Variants in SGCA observed in about 807,000 individuals in gnomAD.
SGCA encodes sarcoglycan alpha.
SGCA carries 34 observed loss-of-function variants against 38.1 expected under a neutral mutation model. The ratio of observed to expected loss-of-function variants is 0.89; its 90% CI spans 0.68 to 1.19. The LOEUF (loss-of-function observed/expected upper bound fraction) is 1.19, where lower values mean the gene tolerates loss of function less well. Among genes scored for constraint, SGCA ranks in the 50% most tolerant of loss-of-function variants. The probability of loss-of-function intolerance (pLI) is 0.00; values close to 1 mark genes in which losing one functional copy is unlikely to be tolerated. For synonymous variants in SGCA, 209 were observed against 214.6 expected (o/e 0.97, Z 0.23); for missense variants, 476 against 524.9 (o/e 0.91, Z 0.91).
chr17:50,170,439 G>C, intron 7 of SGCA, 88 bp downstream of exon 7: 2 of 1,417,516 alleles, frequency 1.4e-6, no homozygotes, highest in Non-Finnish European at 2.0e-6. Flanking sequence ...ATGGGACCCA[G>C]ACACCATGGG....
rs1234693084 is a variant in SGCA at position 50,167,810 on chromosome 17, G to A, written c.312+74G>A. 1.3e-6 allele frequency: 2 copies of A among 1,575,268 alleles called. No individual in the cohort carries two copies. Among genetic ancestry groups the A allele is most frequent in the Non-Finnish European group, 1.7e-6 (2 of 1,145,844 alleles). On this transcript the variant is annotated intron_variant, in intron 3 of 9. Transcript: ENST00000262018. This position sits in a 1 kb window ranked among gnomAD's most constrained non-coding sequence, Gnocchi z 4.5. ...TCCTAGGAGCAGCCCTATGAATTGG[G>A]ATTGGGTGCTCATTCACAGTCATTT...
At chr17:50,174,252 T>G (rs1376964636) in intron 8 of SGCA, among the ~76,000 whole-genome samples, 1 of 151,912 alleles carries the variant, frequency 6.6e-6, no homozygotes, top group Non-Finnish European at 1.5e-5. Flanking sequence ...GCCCAGGAGG[T>G]AGAGGCTGCA....
rs1905155776 is a variant in SGCA at position 50,169,025 on chromosome 17, C to T, written c.585-67C>T. The T allele has an allele frequency of 2.7e-6, 4 of 1,465,380 alleles. No individual in the cohort carries two copies. In the South Asian group the frequency reaches 3.4e-5, roughly 12 times the overall value. The allele number at this position is 1,465,380 out of a possible 1,614,324, so 90.8% of individuals were successfully genotyped here. ...TACAATTAGGAAAGTTTCAACAACC[C>T]CTGGCAGAGTGGTGCCTCGTGCCCC... On this transcript the variant is annotated intron_variant, in intron 5 of 9. Transcript: ENST00000262018.
chr17:50,172,996 A>C (rs148043092), intron 8 of SGCA, among the ~76,000 whole-genome samples: 3 of 152,230 alleles, frequency 2.0e-5, no homozygotes, highest in Non-Finnish European at 4.4e-5. Flanking sequence ...TTTAAACACT[A>C]ACATCTACTG....
chr17:50,169,805 T>C, intron 6 of SGCA: 1 of 441,820 alleles, frequency 2.3e-6, no homozygotes. Context: ...AGCCAGCGAC[T>C]GGTAATTGAC....
chr17:50,171,848 T>C (rs1205400032), intron 8 of SGCA: 1 of 456,762 alleles, frequency 2.2e-6, no homozygotes, highest in Non-Finnish European at 4.4e-6. Flanking sequence ...GCAGGTCCCC[T>C]TGTCCGCCAC....
chr17:50,168,467 C>G lies in SGCA; in HGVS notation c.479C>G (p.Ala160Gly). Residue 160 changes from alanine (A) to glycine (G), a missense_variant, in exon 5 of 10, where the codon GCC (alanine) becomes GGC (glycine). By Grantham distance (60) the Ala-to-Gly change is moderately conservative. Coordinates refer to ENST00000262018, the MANE Select transcript of SGCA (RefSeq NM_000023.4). ...PSTPASRFLSALGGLWEPGEL... is the reference protein window; with the variant it reads ...PSTPASRFLSGLGGLWEPGEL... ...ACACCTGCCAGCCGCTTCCTCTCAGCCTTGGGGGGACTCTGGGAGCCCGGA... is the reference window on the plus strand; with the variant it reads ...ACACCTGCCAGCCGCTTCCTCTCAGGCTTGGGGGGACTCTGGGAGCCCGGA... The G allele has an allele frequency of 6.3e-7, 1 of 1,584,678 alleles. No individual in the cohort carries two copies. The highest frequency in any genetic ancestry group is 8.6e-7 in the Non-Finnish European group (1 of 1,165,112).
At position 50,166,035 on chromosome 17, in the gene SGCA, G is replaced by C. The variant is rs772635734; in HGVS notation, c.-6G>C. On this transcript the variant is annotated 5_prime_UTR_variant, in exon 1 of 10. Coordinates refer to ENST00000262018, the MANE Select transcript of SGCA (RefSeq NM_000023.4). ...TCACTCACCGGGCGGGCCAGGCCGG[G>C]CAGCCATGGCTGAGACACTCTTCTG... 1 of 1,613,046 alleles carries C rather than the reference G, an allele frequency of 6.2e-7. No homozygotes were observed. The highest frequency in any genetic ancestry group is 8.5e-7 in the Non-Finnish European group (1 of 1,179,160).
intron 5 of SGCA, 52 bp from the exon 6 acceptor site, chr17:50,169,040 C>T (rs940378971): frequency 2.6e-6 from 4 of 1,545,254 alleles, no homozygotes; most frequent in Non-Finnish European, 3.6e-6. Context: ...CAGAGTGGTG[C>T]CTCGTGCCCC....
intron 9 of SGCA, 24 bp downstream of exon 9, chr17:50,175,473 C>T (rs764804960): frequency 3.8e-6 from 6 of 1,592,348 alleles, no homozygotes; most frequent in Middle Eastern, 1.7e-4. Context: ...GTGATGCCAG[C>T]CTTATTTCTG....
chr17:50,174,912 C>A (rs1355124383), intron 8 of SGCA, among the ~76,000 whole-genome samples: 1 of 152,098 alleles, frequency 6.6e-6, no homozygotes, highest in Admixed American at 6.5e-5. Context: ...CCTGCCTCAG[C>A]CTCCTGAGTA....
chr17:50,170,773 G>A (rs1905320299), intron 8 of SGCA, 107 bp downstream of exon 8: 1 of 938,254 alleles, frequency 1.1e-6, no homozygotes, highest in Non-Finnish European at 1.7e-6. Flanking sequence ...ATAACTCCAG[G>A]GTGATGCTCA....
chr17:50,173,750 T>C (rs2586476), intron 8 of SGCA, among the ~76,000 whole-genome samples: 138,684 of 152,158 alleles, frequency 0.91, 63,691 homozygotes, highest in East Asian at 1. Context: ...CTCAGCTCAC[T>C]GAATTCCAGA....
At chr17:50,168,705 ACCAC>A in intron 5 of SGCA, 133 bp downstream of exon 5, 4 of 798,516 alleles carry the variant, frequency 5.0e-6, no homozygotes, top group Non-Finnish European at 8.4e-6. Context: ...CACACCCCTC[ACCAC>A]TCTCCTCTGG....
At position 50,167,142 on chromosome 17, in the gene SGCA, G is replaced by A. The variant is rs1020671576; in HGVS notation, c.38-226G>A. Among the ~76,000 whole-genome samples, 1 of 152,022 alleles carries A rather than the reference G, an allele frequency of 6.6e-6. No homozygotes were observed. The highest frequency in any genetic ancestry group is 2.4e-5 in the African/African-American group (1 of 41,360). On this transcript the variant is annotated intron_variant, in intron 1 of 9. Transcript: ENST00000262018. The surrounding 1 kb of genome is among the most constrained non-coding windows in gnomAD (Gnocchi z 4.5). Reference sequence around the variant, plus strand: ...GGGGCCTAAAACAAGGAATGGAAAGGTTGTGGGAGAGGTTCTCCCTCGAAT... The same window carrying A: ...GGGGCCTAAAACAAGGAATGGAAAGATTGTGGGAGAGGTTCTCCCTCGAAT...
Position 50,167,535 on chromosome 17 carries a change from G to A in SGCA, c.158-47G>A, listed in dbSNP as rs147145924. 1.0e-4 allele frequency: 161 copies of A among 1,613,986 alleles called. No homozygotes were observed. The African/African-American group carries it at 1.5e-3, about 15-fold the overall frequency. On this transcript the variant is annotated intron_variant, in intron 2 of 9. Coordinates refer to ENST00000262018, the MANE Select transcript of SGCA (RefSeq NM_000023.4). The surrounding 1 kb of genome is among the most constrained non-coding windows in gnomAD (Gnocchi z 4.5). The stretch of plus-strand genomic sequence containing the variant: ...AGGCGGGCGGGCTGGGGTGTACCCC[G>A]CAGGGCTCCTGCTGTGACTCGAATC...
At position 50,167,012 on chromosome 17, in the gene SGCA, C is replaced by T. The variant is rs1241621326; in HGVS notation, c.38-356C>T. Among the ~76,000 whole-genome samples, 1 of 143,540 alleles carries T rather than the reference C, an allele frequency of 7.0e-6. No homozygotes were observed. The highest frequency in any genetic ancestry group is 2.6e-5 in the African/African-American group (1 of 38,692). The allele number at this position is 143,540 out of a possible 152,430, so 94.2% of individuals were successfully genotyped here. ...ACACACATCCTCACAGACCCTCACA[C>T]ATACCTTCACACACACACCCCCCCA... is the stretch of plus-strand genomic sequence containing the variant. On this transcript the variant is annotated intron_variant, in intron 1 of 9. Coordinates refer to ENST00000262018, the MANE Select transcript of SGCA (RefSeq NM_000023.4). This position sits in a 1 kb window ranked among gnomAD's most constrained non-coding sequence, Gnocchi z 4.5.
In SGCA at chr17:50,167,796, G is replaced by A; in HGVS notation, c.312+60G>A. On this transcript the variant is annotated intron_variant, in intron 3 of 9. Transcript: ENST00000262018. This position sits in a 1 kb window ranked among gnomAD's most constrained non-coding sequence, Gnocchi z 4.5. ...GGGCCAGAGTGGCCTCCTAGGAGCA[G>A]CCCTATGAATTGGGATTGGGTGCTC... is the stretch of plus-strand genomic sequence containing the variant. The A allele has an allele frequency of 6.3e-7, 1 of 1,589,580 alleles. No individual in the cohort carries two copies. Among genetic ancestry groups the A allele is most frequent in the Non-Finnish European group, 8.6e-7 (1 of 1,159,876 alleles).
rs966464672 is a variant in SGCA, at chr17:50,167,892, G to A, written c.313-55G>A. The stretch of plus-strand genomic sequence containing the variant: ...CTGAGTCCTCTCCTGCCAGGCCCCC[G>A]CTGTGCCACGTTTCTCCCCTAACCC... On this transcript the variant is annotated intron_variant, in intron 3 of 9. Coordinates refer to ENST00000262018, the MANE Select transcript of SGCA (RefSeq NM_000023.4). This position sits in a 1 kb window ranked among gnomAD's most constrained non-coding sequence, Gnocchi z 4.5. 48 of 1,572,170 alleles carry A rather than the reference G, an allele frequency of 3.1e-5. No individual in the cohort carries two copies. The highest frequency in any genetic ancestry group is 1.7e-4 in the Middle Eastern group (1 of 5,980).
Sources: gnomAD v4.1 joint callset for allele counts (sites outside exome capture counted in the v4.1 genomes callset) on GRCh38, gnomAD v4.1.1 for gene constraint, Gnocchi (gnomAD v3.1) non-coding constraint, MANE v1.5 for transcripts, NCBI Gene and HGNC (gene_info 2026-07-23, HGNC 2026-07-21) for gene names.